Variants in TMCO5A observed in about 807,000 individuals in gnomAD.
The protein encoded by TMCO5A is transmembrane and coiled-coil domain-containing protein 5A.
TMCO5A carries 34 observed loss-of-function variants against 42.3 expected under a neutral mutation model. The ratio of observed to expected loss-of-function variants is 0.80; its 90% CI spans 0.61 to 1.07. The LOEUF (loss-of-function observed/expected upper bound fraction) is 1.07. TMCO5A is among the 50% of genes least tolerant of loss of function. The pLI is 0.00. For missense variants in TMCO5A, 357 were observed against 327.9 expected, an observed-to-expected ratio of 1.09 and a Z score of -0.69; for synonymous variants, 131 against 115.6, an observed-to-expected ratio of 1.13 and a Z score of -0.86.
At chr15:38,011,443 T>G in the TMCO5A span, among the ~76,000 whole-genome samples, 1 of 152,128 alleles carries the variant, frequency 6.6e-6, no homozygotes, top group Admixed American at 6.5e-5. Flanking sequence ...CAACACCTTT[T>G]TAAACTTAAT....
chr15:37,957,615 T>A (rs1019931488), intron 11 of TMCO5A, among the ~76,000 whole-genome samples: 2 of 152,092 alleles, frequency 1.3e-5, no homozygotes, highest in African/African-American at 2.4e-5. Context: ...GGAAAAACAT[T>A]CCATGCTCAT....
chr15:38,019,802 C>T, the TMCO5A span, among the ~76,000 whole-genome samples: 1 of 149,758 alleles, frequency 6.7e-6, no homozygotes, highest in African/African-American at 2.5e-5. Flanking sequence ...TTCATAGAGA[C>T]GGGGTCTTGC....
chr15:37,966,416 G>A (rs1406559811), intron 11 of TMCO5A, among the ~76,000 whole-genome samples: 1 of 152,078 alleles, frequency 6.6e-6, no homozygotes, highest in Non-Finnish European at 1.5e-5. Context: ...AATGCTTGAG[G>A]AGATGGGTAC....
At chr15:38,034,539 G>T in the TMCO5A span, among the ~76,000 whole-genome samples, 2 of 152,204 alleles carry the variant, frequency 1.3e-5, no homozygotes, top group Middle Eastern at 6.8e-3. Flanking sequence ...TACTCCCAGA[G>T]GCTGTTGCTC....
the TMCO5A span, among the ~76,000 whole-genome samples, chr15:38,000,543 C>T: frequency 2.0e-5 from 3 of 151,606 alleles, no homozygotes; most frequent in African/African-American, 7.3e-5. Flanking sequence ...TACTTCTGTT[C>T]TTATACTAAT....
At chr15:37,987,588 A>G in the TMCO5A span, among the ~76,000 whole-genome samples, 1 of 152,024 alleles carries the variant, frequency 6.6e-6, no homozygotes, top group Admixed American at 6.6e-5. Context: ...ATGTGGTCAT[A>G]CAGTTTACCC....
the TMCO5A span, among the ~76,000 whole-genome samples, chr15:37,999,664 C>T: frequency 6.6e-6 from 1 of 152,158 alleles, no homozygotes; most frequent in Non-Finnish European, 1.5e-5. Flanking sequence ...AGCTGTGGAT[C>T]TATCACATAT....
the TMCO5A span, among the ~76,000 whole-genome samples, chr15:37,972,894 G>A: frequency 1.3e-5 from 2 of 152,104 alleles, no homozygotes; most frequent in Non-Finnish European, 2.9e-5. Context: ...TGCCTTCTGG[G>A]TTTTTATAGT....
chr15:37,989,460 G>A, the TMCO5A span, among the ~76,000 whole-genome samples: 1 of 151,836 alleles, frequency 6.6e-6, no homozygotes, highest in Admixed American at 6.6e-5. Flanking sequence ...CCTCAGCACT[G>A]TTTTTGCTGC....
chr15:37,994,263 A>T, the TMCO5A span, among the ~76,000 whole-genome samples: 1 of 152,090 alleles, frequency 6.6e-6, no homozygotes, highest in Non-Finnish European at 1.5e-5. Context: ...CTCCATTAGC[A>T]GGCTTCCAGA....
At chr15:37,993,242 A>T in the TMCO5A span, among the ~76,000 whole-genome samples, 2 of 151,768 alleles carry the variant, frequency 1.3e-5, no homozygotes, top group African/African-American at 4.8e-5. Flanking sequence ...GTTTTTTTTT[A>T]AATGGGGGCC....
chr15:37,996,601 CCAA>C, the TMCO5A span, among the ~76,000 whole-genome samples: 2 of 152,108 alleles, frequency 1.3e-5, no homozygotes, highest in Non-Finnish European at 2.9e-5. Flanking sequence ...CCAAATGGAA[CCAA>C]TTACCAGGTG....
At chr15:38,017,341 C>T in the TMCO5A span, among the ~76,000 whole-genome samples, 2 of 151,914 alleles carry the variant, frequency 1.3e-5, no homozygotes, top group East Asian at 1.9e-4. Context: ...TTTAAATCTC[C>T]GAGAAGCAGG....
intron 11 of TMCO5A, among the ~76,000 whole-genome samples, chr15:37,961,073 T>C (rs942153592): frequency 6.6e-6 from 1 of 152,254 alleles, no homozygotes; most frequent in Admixed American, 6.5e-5. Flanking sequence ...TCTTTGTTTT[T>C]ATTGCATTTG....
downstream of TMCO5A, among the ~76,000 whole-genome samples, chr15:37,955,180 G>A (rs75524485): frequency 0.016 from 2,408 of 149,086 alleles, 74 homozygotes; most frequent in African/African-American, 0.056. Flanking sequence ...CAGGACCCAA[G>A]GATCTGTTGC....
chr15:37,958,131 A>G (rs1382834561), intron 11 of TMCO5A, among the ~76,000 whole-genome samples: 1 of 152,200 alleles, frequency 6.6e-6, no homozygotes, highest in Admixed American at 6.5e-5. Context: ...TAAAACCATA[A>G]AAACCCTAGA....
intron 6 of TMCO5A, among the ~76,000 whole-genome samples, chr15:37,939,400 T>A (rs1298078211): frequency 6.6e-6 from 1 of 152,106 alleles, no homozygotes; most frequent in East Asian, 1.9e-4. Context: ...AGGAAGAAAT[T>A]GGAGCCAAAA....
the TMCO5A span, among the ~76,000 whole-genome samples, chr15:38,034,460 G>A: frequency 6.6e-5 from 10 of 152,226 alleles, no homozygotes; most frequent in East Asian, 5.8e-4. Context: ...AAGCTTCATC[G>A]TGCTGCATTA....
chr15:38,008,053 G>C, the TMCO5A span, among the ~76,000 whole-genome samples: 2 of 151,568 alleles, frequency 1.3e-5, no homozygotes, highest in Non-Finnish European at 2.9e-5. Flanking sequence ...CTGCCACCAC[G>C]CCTGGCTAAT....
Sources: gnomAD v4.1 joint callset for allele counts (sites outside exome capture counted in the v4.1 genomes callset) on GRCh38, gnomAD v4.1.1 for gene constraint, MANE v1.5 for transcripts, NCBI Gene and HGNC (gene_info 2026-07-23, HGNC 2026-07-21) for gene names.